The following OR11A1 variants were observed in gnomAD, a reference collection of about 807,000 sequenced individuals.
The protein encoded by OR11A1 is olfactory receptor 11A1.
For synonymous variants in OR11A1, 158 were observed against 152.2 expected, an observed-to-expected ratio of 1.04 and a Z score of -0.28; for missense variants, 380 against 378.2, an observed-to-expected ratio of 1.00 and a Z score of -0.04.
rs751669590 is a variant in OR11A1, at chr6:29,426,993, T to G, written c.649A>C (p.Thr217Pro). 2 of 1,612,672 alleles carry G rather than the reference T, an allele frequency of 1.2e-6. No individual in the cohort carries two copies. Among genetic ancestry groups the G allele is most frequent in the African/African-American group, 2.7e-5 (2 of 74,888 alleles). The change falls in exon 5 of 5, where the codon ACA becomes CCA. Residue 217 changes from threonine to proline, a missense_variant. Thr to Pro is a conservative substitution (Grantham distance 38). Coordinates refer to ENST00000377149, the MANE Select transcript of OR11A1 (RefSeq NM_001394828.1). ...CLTIPFGLIL[T>P]SYARIVVAVL... ...GCCACCACAATTCTGGCATAAGATG[T>G]CAGAATCAGTCCAAAAGGAATAGTG... is the stretch of plus-strand genomic sequence containing the variant.
At chr6:29,448,143 AG>A (rs1420139848) in intron 1 of OR11A1, among the ~76,000 whole-genome samples, 1 of 150,380 alleles carries the variant, frequency 6.6e-6, no homozygotes, top group East Asian at 2.0e-4. Flanking sequence ...CAGCCTCCCA[AG>A]TAGTTGGAAC....
At chr6:29,452,519 G>A (rs537336831) in intron 1 of OR11A1, among the ~76,000 whole-genome samples, 2 of 152,184 alleles carry the variant, frequency 1.3e-5, no homozygotes, top group Admixed American at 6.5e-5. Flanking sequence ...CGCTGAAGTG[G>A]TAGAGACATA....
chr6:29,438,093 A>G (rs971429131), intron 1 of OR11A1, among the ~76,000 whole-genome samples: 1 of 152,232 alleles, frequency 6.6e-6, no homozygotes, highest in Non-Finnish European at 1.5e-5. Flanking sequence ...TTCTAGTTAT[A>G]TAAATTAATA....
At chr6:29,445,600 C>T (rs1357489910) in intron 1 of OR11A1, among the ~76,000 whole-genome samples, 1 of 152,222 alleles carries the variant, frequency 6.6e-6, no homozygotes, top group Admixed American at 6.5e-5. Flanking sequence ...CCTGCATCAG[C>T]TCCTCCTGTG....
At position 29,444,688 on chromosome 6, in the gene OR11A1, G is replaced by C. The variant is rs183594182; in HGVS notation, c.-389+12299C>G. 3.1e-4 allele frequency among the ~76,000 whole-genome samples: 47 copies of C among 152,140 alleles called. No individual in the cohort carries two copies. The East Asian group carries it at 8.7e-3, about 28-fold the overall frequency. ...GGGACCTTGAACTACATTAATCCTG[G>C]GCAATATAAGCACAGTCATTGGTTT... On this transcript the variant is annotated intron_variant, in intron 1 of 4. Transcript: ENST00000377149.
intron 1 of OR11A1, among the ~76,000 whole-genome samples, chr6:29,434,479 TA>T (rs1313826090): frequency 6.6e-6 from 1 of 152,240 alleles, no homozygotes; most frequent in African/African-American, 2.4e-5. Flanking sequence ...TTAATTCTGT[TA>T]ATGTTATGTA....
intron 3 of OR11A1, among the ~76,000 whole-genome samples, chr6:29,429,242 C>T (rs1405050332): frequency 1.3e-5 from 2 of 152,144 alleles, no homozygotes; most frequent in Non-Finnish European, 2.9e-5. Flanking sequence ...TGTAGTTTTG[C>T]CTAAGACCAA....
intron 1 of OR11A1, among the ~76,000 whole-genome samples, chr6:29,444,318 C>A (rs896166467): frequency 6.6e-6 from 1 of 152,174 alleles, no homozygotes; most frequent in African/African-American, 2.4e-5. Flanking sequence ...GTCCAATAAA[C>A]CTCTTTGTTT....
intron 4 of OR11A1, chr6:29,428,112 G>A (rs1257782173): frequency 2.1e-6 from 1 of 478,466 alleles, no homozygotes; most frequent in Non-Finnish European, 2.8e-6. Context: ...TCCTCTATGA[G>A]TGGTTTGAGA....
intron 1 of OR11A1, among the ~76,000 whole-genome samples, chr6:29,433,804 G>A (rs1783428096): frequency 6.6e-6 from 1 of 152,038 alleles, no homozygotes; most frequent in South Asian, 2.1e-4. Flanking sequence ...AAGTGTATGA[G>A]TTCTCCTTTT....
intron 4 of OR11A1, 42 bp downstream of exon 4, chr6:29,428,871 G>T (rs1441038586): frequency 8.8e-6 from 7 of 793,126 alleles, no homozygotes; most frequent in African/African-American, 1.9e-5. Flanking sequence ...AGTTGTAATT[G>T]AGCATGACAC....
chr6:29,441,705 A>G (rs889585980), intron 1 of OR11A1, among the ~76,000 whole-genome samples: 1 of 152,188 alleles, frequency 6.6e-6, no homozygotes, highest in African/African-American at 2.4e-5. Context: ...ATAGTACCTG[A>G]TAAGCAGTTT....
chr6:29,440,486 C>T (rs1252962304), intron 1 of OR11A1: 1 of 1,613,766 alleles, frequency 6.2e-7, no homozygotes, highest in East Asian at 2.2e-5. Context: ...TGGGGCTGGG[C>T]CACACCCCTT....
chr6:29,427,995 C>T (rs1238255923), intron 4 of OR11A1, among the ~76,000 whole-genome samples: 2 of 152,174 alleles, frequency 1.3e-5, no homozygotes, highest in East Asian at 3.9e-4. Context: ...TCTGTATAGT[C>T]AGCCATAGCC....
intron 1 of OR11A1, among the ~76,000 whole-genome samples, chr6:29,451,675 CAG>C (rs1785399452): frequency 6.6e-6 from 1 of 152,102 alleles, no homozygotes; most frequent in Non-Finnish European, 1.5e-5. Flanking sequence ...CAAAAAATAA[CAG>C]ATGCTGGAAG....
Position 29,427,105 on chromosome 6 carries a change from G to C in OR11A1, c.537C>G (p.Tyr179Ter), listed in dbSNP as rs369737265. 6.2e-7 allele frequency: 1 copy of C among 1,612,874 alleles called. No homozygotes were observed. Among genetic ancestry groups the C allele is most frequent in the East Asian group, 2.2e-5 (1 of 44,882 alleles). ...GGCCCACGAAAAGCATAAAGTCACA[G>C]TAAAACTGGTCAATGTGGTTGGGGC... ...FCGPNHIDQF[Y>*]CDFMLFVGLA... Residue 179 changes from tyrosine to a stop codon, truncating the protein, a stop_gained, in exon 5 of 5, where the codon TAC (tyrosine) becomes TAG (stop). Coordinates refer to ENST00000377149, the MANE Select transcript of OR11A1 (RefSeq NM_001394828.1). LOFTEE classifies it low-confidence loss of function (END_TRUNC).
chr6:29,446,758 C>G (rs929433244), intron 1 of OR11A1, among the ~76,000 whole-genome samples: 1 of 152,152 alleles, frequency 6.6e-6, no homozygotes, highest in Non-Finnish European at 1.5e-5. Flanking sequence ...TGATAATATA[C>G]CAGTCAGTGA....
At chr6:29,448,010 C>CTTTTTTTTT (rs9280602) in intron 1 of OR11A1, among the ~76,000 whole-genome samples, 4 of 79,950 alleles carry the variant, frequency 5.0e-5, no homozygotes, top group African/African-American at 9.2e-5. Context: ...ATGACCCTTT[C>CTTTTTTTTT]TTTTTTTTTT....
At position 29,437,764 on chromosome 6, in the gene OR11A1, G is replaced by T. The variant is rs950677671; in HGVS notation, c.-388-5777C>A. ...AGGTTACACTAAGAGTGGACAAATA[G>T]CAATCCAAATTATTCTACTCCATTC... On this transcript the variant is annotated intron_variant, in intron 1 of 4. Coordinates refer to ENST00000377149, the MANE Select transcript of OR11A1 (RefSeq NM_001394828.1). Among the ~76,000 whole-genome samples the T allele has an allele frequency of 3.9e-5, 6 of 152,284 alleles. No homozygotes were observed. In the East Asian group the frequency reaches 1.2e-3, roughly 29 times the overall value.
Sources: allele counts gnomAD v4.1 joint callset (sites outside exome capture counted in the v4.1 genomes callset), GRCh38; gene constraint gnomAD v4.1.1; transcripts MANE v1.5; gene names NCBI Gene and HGNC (gene_info 2026-07-23, HGNC 2026-07-21).